The following BOK variants were observed in gnomAD, a reference collection of about 807,000 sequenced individuals.
The protein encoded by BOK is bcl-2-related ovarian killer protein.
A neutral mutation model predicts 18.3 loss-of-function variants in BOK; 20 were observed. The observed-to-expected ratio is 1.09, with a 90% CI of 0.77 to 1.59. BOK has a LOEUF of 1.59. Among genes scored for constraint, BOK ranks in the 40% most tolerant of loss-of-function variants. BOK has a pLI of 0.00. For missense variants in BOK, 348 were observed against 307.9 expected (o/e 1.13, Z -0.97); for synonymous variants, 173 against 142.4 (o/e 1.21, Z -1.53).
chr2:241,559,589 CG>C lies in BOK; in HGVS notation c.109del (p.Glu37SerfsTer43). ...ELVAQAKALG[R>X]EYVHARLLRA... ...GGTGGCCCAGGCCAAGGCGCTGGGC[CG>C]GGAGTACGTGCACGCGCGGCTGCTG... On this transcript the variant is annotated frameshift_variant, in exon 2 of 5. Transcript: ENST00000318407. LOFTEE classifies it high-confidence loss of function. 1 of 1,508,560 alleles carries C rather than the reference CG, an allele frequency of 6.6e-7. No individual in the cohort carries two copies. Among genetic ancestry groups the C allele is most frequent in the Non-Finnish European group, 8.8e-7 (1 of 1,137,060 alleles). 93.4% of individuals were successfully genotyped at this position (1,508,560 alleles called of 1,614,324 possible).
chr2:241,559,605 C>A lies in BOK; in HGVS notation c.122C>A (p.Ala41Glu), dbSNP rs200232215. 1.3e-6 allele frequency: 2 copies of A among 1,485,426 alleles called. No homozygotes were observed. The highest frequency in any genetic ancestry group is 1.3e-5 in the South Asian group (1 of 78,350). 92.0% of individuals were successfully genotyped at this position (1,485,426 alleles called of 1,614,324 possible). The change falls in exon 2 of 5, where the codon GCG becomes GAG. Residue 41 changes from alanine (A) to glutamate (E), a missense_variant. By Grantham distance (107) the Ala-to-Glu change is moderately radical. Transcript: ENST00000318407. ...GCGCTGGGCCGGGAGTACGTGCACGCGCGGCTGCTGCGCGCCGGCCTCTCC... is the reference window on the plus strand; with the variant it reads ...GCGCTGGGCCGGGAGTACGTGCACGAGCGGCTGCTGCGCGCCGGCCTCTCC... ...AKALGREYVH[A>E]RLLRAGLSWS...
At chr2:241,561,943 C>T (rs115052012) in intron 2 of BOK, among the ~76,000 whole-genome samples, 141 of 152,316 alleles carry the variant, frequency 9.3e-4, no homozygotes, top group African/African-American at 3.3e-3. Context: ...TTTCTCTGCC[C>T]AGCCCCTCCC....
rs962715507 is a variant in BOK, at chr2:241,572,647, C to T, written c.*225C>T. ...GCTTTGGGGCAGCCTGCGACCCTCC[C>T]CGCTTGTGTCCCTTCTCCTGTGATC... On this transcript the variant is annotated 3_prime_UTR_variant, in exon 5 of 5. Transcript: ENST00000318407. 16 of 619,866 alleles carry T rather than the reference C, an allele frequency of 2.6e-5. No homozygotes were observed. Among genetic ancestry groups the T allele is most frequent in the Non-Finnish European group, 3.1e-5 (11 of 358,594 alleles). The allele number at this position is 619,866 out of a possible 1,614,324, so 38.4% of individuals were successfully genotyped here.
chr2:241,559,344 G>A, intron 1 of BOK, 111 bp from the exon 2 acceptor site: 2 of 553,964 alleles, frequency 3.6e-6, no homozygotes, highest in Non-Finnish European at 5.4e-6. Flanking sequence ...AAACGAGAGC[G>A]GACCCGGCGC....
Position 241,572,289 on chromosome 2 carries a change from C to T in BOK, c.514-8C>T, listed in dbSNP as rs1216627174. 3.7e-6 allele frequency: 6 copies of T among 1,609,672 alleles called. No individual in the cohort carries two copies. Among genetic ancestry groups the T allele is most frequent in the African/African-American group, 2.7e-5 (2 of 74,898 alleles). Reference sequence around the variant, plus strand: ...CTGCTTTCTAACGGTCTCCCTCTTCCCTCCCAGACTGATGTCCTCAAGTGT... The same window carrying T: ...CTGCTTTCTAACGGTCTCCCTCTTCTCTCCCAGACTGATGTCCTCAAGTGT... On this transcript the variant is annotated splice_region_variant and splice_polypyrimidine_tract_variant and intron_variant, in intron 4 of 4. Coordinates refer to ENST00000318407, the MANE Select transcript of BOK (RefSeq NM_032515.5).
In BOK at chr2:241,559,628, T is replaced by C. The variant is rs1486367247; in HGVS notation, c.145T>C (p.Ser49Pro). Residue 49 changes from serine (S) to proline (P), a missense_variant, in exon 2 of 5, where the codon TCC (serine) becomes CCC (proline). Ser to Pro is a moderately conservative substitution (Grantham distance 74). Transcript: ENST00000318407. ...CGCGCGGCTGCTGCGCGCCGGCCTC[T>C]CCTGGAGCGCGCCCGAGCGTGCCGC... ...VHARLLRAGL[S>P]WSAPERAAPV... 3 of 1,441,382 alleles carry C rather than the reference T, an allele frequency of 2.1e-6. No individual in the cohort carries two copies. The highest frequency in any genetic ancestry group is 2.8e-5 in the South Asian group (2 of 71,918). 89.3% of individuals were successfully genotyped at this position (1,441,382 alleles called of 1,614,324 possible). A position where few individuals can be genotyped will look rare whatever the true frequency, so the allele number is the denominator to read the frequency against.
At chr2:241,557,358 G>T (rs2125042622), upstream of BOK, among the ~76,000 whole-genome samples, 1 of 147,204 alleles carries the variant, frequency 6.8e-6, no homozygotes, top group East Asian at 2.0e-4. Context: ...GTCCAGGCTG[G>T]AGTGCAGGTG....
intron 3 of BOK, among the ~76,000 whole-genome samples, chr2:241,564,878 C>T (rs1166984503): frequency 1.3e-5 from 2 of 152,190 alleles, no homozygotes; most frequent in Non-Finnish European, 2.9e-5. Context: ...GCAGCCTGCC[C>T]AGAGGTGGGG....
rs1575002031 is a variant in BOK, at chr2:241,568,161, C to G, written c.350-1964C>G. On this transcript the variant is annotated intron_variant, in intron 3 of 4. Coordinates refer to ENST00000318407, the MANE Select transcript of BOK (RefSeq NM_032515.5). The stretch of plus-strand genomic sequence containing the variant: ...ATTTATTTATTTTTTCACTCTATTG[C>G]CCAGGCTAGAGTGCAATGGCGTGAT... Among the ~76,000 whole-genome samples, 3 of 152,246 alleles carry G rather than the reference C, an allele frequency of 2.0e-5. No individual in the cohort carries two copies. In the Middle Eastern group the frequency reaches 0.01, roughly 518 times the overall value.
chr2:241,563,755 A>C (rs2125049135), intron 3 of BOK, among the ~76,000 whole-genome samples: 1 of 152,296 alleles, frequency 6.6e-6, no homozygotes, highest in Admixed American at 6.5e-5. Context: ...GCCAGGCATC[A>C]GGCGCCAGAG....
At chr2:241,564,930 C>A (rs796699199) in intron 3 of BOK, among the ~76,000 whole-genome samples, 52 of 152,282 alleles carry the variant, frequency 3.4e-4, no homozygotes, top group African/African-American at 1.2e-3. Context: ...GGCCAGGATG[C>A]CCCTACCCGC....
intron 3 of BOK, among the ~76,000 whole-genome samples, chr2:241,564,520 G>GAGA (rs2066580691): frequency 6.6e-6 from 1 of 151,712 alleles, no homozygotes; most frequent in Admixed American, 6.6e-5. Flanking sequence ...TCGGCTGGGG[G>GAGA]TGCATATGGG....
upstream of BOK, among the ~76,000 whole-genome samples, chr2:241,555,593 T>C (rs975409677): frequency 1.3e-5 from 2 of 151,986 alleles, no homozygotes; most frequent in Non-Finnish European, 2.9e-5. Flanking sequence ...GTCAAGCTGG[T>C]CTCGAACTCC....
In BOK at chr2:241,562,581, G is replaced by T; in HGVS notation, c.349+105G>T. The T allele has an allele frequency of 3.6e-6, 5 of 1,394,732 alleles. No individual in the cohort carries two copies. Among genetic ancestry groups the T allele is most frequent in the Non-Finnish European group, 4.7e-6 (5 of 1,054,756 alleles). 86.4% of individuals were successfully genotyped at this position (1,394,732 alleles called of 1,614,324 possible). A position where few individuals can be genotyped will look rare whatever the true frequency, so the allele number is the denominator to read the frequency against. ...GCTGGCCCCCACCCATCCTGGCGCTGCCCAGTGCCCACCGGTGCCATCTCA... is the reference window on the plus strand; with the variant it reads ...GCTGGCCCCCACCCATCCTGGCGCTTCCCAGTGCCCACCGGTGCCATCTCA... On this transcript the variant is annotated intron_variant, in intron 3 of 4. Transcript: ENST00000318407. This position sits in a 1 kb window ranked among gnomAD's most constrained non-coding sequence, Gnocchi z 4.5.
At chr2:241,566,813 G>A (rs2066624295) in intron 3 of BOK, among the ~76,000 whole-genome samples, 1 of 134,182 alleles carries the variant, frequency 7.5e-6, no homozygotes, top group East Asian at 2.6e-4. Context: ...AATCTACAGA[G>A]ACAGAAAGTA....
chr2:241,553,759 G>T (rs1416211598), upstream of BOK, among the ~76,000 whole-genome samples: 1 of 152,206 alleles, frequency 6.6e-6, no homozygotes, highest in East Asian at 1.9e-4. Context: ...GGAGATTTGA[G>T]CTGGGACACA....
intron 1 of BOK, 105 bp from the exon 2 acceptor site, chr2:241,559,350 G>C: frequency 1.6e-6 from 1 of 607,808 alleles, no homozygotes; most frequent in Non-Finnish European, 2.4e-6. Flanking sequence ...GAGCGGACCC[G>C]GCGCCGGCTA....
chr2:241,553,718 C>T (rs1285655516), intron 1 of BOK, among the ~76,000 whole-genome samples: 1 of 152,220 alleles, frequency 6.6e-6, no homozygotes, highest in Non-Finnish European at 1.5e-5. Flanking sequence ...CACCAGGCCC[C>T]TCCCCCAACA....
intron 4 of BOK, among the ~76,000 whole-genome samples, chr2:241,571,110 C>T (rs1251503491): frequency 1.3e-5 from 2 of 151,796 alleles, no homozygotes; most frequent in Non-Finnish European, 2.9e-5. Flanking sequence ...GGGCAAGGGC[C>T]GAGACCTACA....
Sources: allele counts gnomAD v4.1 joint callset (sites outside exome capture counted in the v4.1 genomes callset), GRCh38; gene constraint gnomAD v4.1.1; non-coding constraint Gnocchi (gnomAD v3.1); transcripts MANE v1.5; gene names NCBI Gene and HGNC (gene_info 2026-07-23, HGNC 2026-07-21).